CDH7: variants seen among roughly 807,000 people sequenced by gnomAD.
CDH7 encodes cadherin 7.
CDH7 carries 25 observed loss-of-function variants against 71.8 expected under a neutral mutation model. The observed-to-expected ratio is 0.35, with a 90% CI of 0.25 to 0.49. The LOEUF is 0.49. CDH7 is among the 20% of genes least tolerant of loss of function. CDH7 has a pLI of 0.99. For missense variants in CDH7, 862 were observed against 974.6 expected, an observed-to-expected ratio of 0.88 and a Z score of 1.54; for synonymous variants, 381 against 363.8, an observed-to-expected ratio of 1.05 and a Z score of -0.54.
chr18:65,827,329 ATGG>A (rs912610984), intron 6 of CDH7, among the ~76,000 whole-genome samples: 1 of 151,918 alleles, frequency 6.6e-6, no homozygotes, highest in African/African-American at 2.4e-5. Flanking sequence ...TTAAGAATCA[ATGG>A]TGGTGAAAAA....
chr18:65,878,156 C>T (rs949628432), intron 11 of CDH7, among the ~76,000 whole-genome samples: 1 of 152,140 alleles, frequency 6.6e-6, no homozygotes, highest in African/African-American at 2.4e-5. Flanking sequence ...TCATTTCTCA[C>T]TATACCACCT....
At chr18:65,850,793 A>ATCAATAGT (rs1411780061) in intron 7 of CDH7, among the ~76,000 whole-genome samples, 1 of 151,246 alleles carries the variant, frequency 6.6e-6, no homozygotes, top group Admixed American at 6.6e-5. Flanking sequence ...AAGCTCAGAA[A>ATCAATAGT]TCAATAGTTC....
At chr18:65,846,229 A>G (rs1269144216) in intron 7 of CDH7, among the ~76,000 whole-genome samples, 1 of 152,128 alleles carries the variant, frequency 6.6e-6, no homozygotes, top group Non-Finnish European at 1.5e-5. Flanking sequence ...CTGTTCTCTG[A>G]AGCACAGAGG....
chr18:65,767,574 A>G (rs1474451467), intron 2 of CDH7, among the ~76,000 whole-genome samples: 1 of 152,154 alleles, frequency 6.6e-6, no homozygotes, highest in Admixed American at 6.5e-5. Flanking sequence ...TGCCAGGTCA[A>G]CTCTTAGAAG....
At chr18:65,822,010 G>A in intron 4 of CDH7, 71 bp from the exon 5 acceptor site, 3 of 1,185,232 alleles carry the variant, frequency 2.5e-6, no homozygotes, top group African/African-American at 1.5e-5. Context: ...CTTACTACTT[G>A]TATCAGTATT....
intron 11 of CDH7, among the ~76,000 whole-genome samples, chr18:65,869,871 A>C (rs1274483427): frequency 3.3e-5 from 5 of 152,132 alleles, no homozygotes; most frequent in Non-Finnish European, 7.4e-5. Flanking sequence ...GGAAAAGAAT[A>C]ATTGATTTGA....
At chr18:65,777,175 T>A (rs1027812107) in intron 2 of CDH7, among the ~76,000 whole-genome samples, 1 of 152,046 alleles carries the variant, frequency 6.6e-6, no homozygotes, top group African/African-American at 2.4e-5. Flanking sequence ...ATGAAAGACC[T>A]GATGCTGAAA....
At chr18:65,819,244 T>C (rs1324452392) in intron 4 of CDH7, among the ~76,000 whole-genome samples, 2 of 152,190 alleles carry the variant, frequency 1.3e-5, no homozygotes, top group Non-Finnish European at 1.5e-5. Flanking sequence ...TCAATCTGCA[T>C]TGACCCACTC....
At chr18:65,856,554 A>T (rs931204298) in intron 7 of CDH7, among the ~76,000 whole-genome samples, 2 of 152,106 alleles carry the variant, frequency 1.3e-5, no homozygotes, top group African/African-American at 4.8e-5. Context: ...AGTCAAGGGT[A>T]TGTTCATAAG....
intron 11 of CDH7, among the ~76,000 whole-genome samples, chr18:65,867,126 C>T (rs917788521): frequency 2.0e-5 from 3 of 151,066 alleles, no homozygotes; most frequent in Non-Finnish European, 2.9e-5. Flanking sequence ...AGCTCCACCT[C>T]CTGGGTTCAC....
intron 3 of CDH7, among the ~76,000 whole-genome samples, chr18:65,811,303 T>C (rs1911526491): frequency 6.6e-6 from 1 of 152,116 alleles, no homozygotes; most frequent in African/African-American, 2.4e-5. Context: ...GATCACAGTT[T>C]AGTGAACCTA....
At chr18:65,840,786 A>C (rs1424555345) in intron 6 of CDH7, among the ~76,000 whole-genome samples, 1 of 152,160 alleles carries the variant, frequency 6.6e-6, no homozygotes, top group Non-Finnish European at 1.5e-5. Flanking sequence ...GTATGTCTTT[A>C]TCAGCAGTGA....
In CDH7 at chr18:65,887,378, T is replaced by C. The variant is rs1207102644; in HGVS notation, c.*6484T>C. 2.6e-5 allele frequency: 4 copies of C among 151,812 alleles called. No individual in the cohort carries two copies. Among genetic ancestry groups the C allele is most frequent in the Non-Finnish European group, 5.9e-5 (4 of 67,964 alleles). The allele number at this position is 151,812 out of a possible 1,614,324, so 9.4% of individuals were successfully genotyped here. A position where few individuals can be genotyped will look rare whatever the true frequency, so the allele number is the denominator to read the frequency against. ...TGTGCGGCACCCATTAACTCGTCAT[T>C]TAGCATTAGGTATATCTCCTAATTC... is the stretch of plus-strand genomic sequence containing the variant. On this transcript the variant is annotated 3_prime_UTR_variant, in exon 12 of 12. Coordinates refer to ENST00000397968, the MANE Select transcript of CDH7 (RefSeq NM_004361.5).
chr18:65,880,214 T>C (rs1914180400), intron 11 of CDH7, among the ~76,000 whole-genome samples, 187 bp from the exon 12 acceptor site: 1 of 152,192 alleles, frequency 6.6e-6, no homozygotes, highest in African/African-American at 2.4e-5. Context: ...AAAAGTGTTC[T>C]AATTTAAAGC....
At chr18:65,830,129 GC>G (rs1402952235) in intron 6 of CDH7, among the ~76,000 whole-genome samples, 1 of 152,160 alleles carries the variant, frequency 6.6e-6, no homozygotes. Context: ...GAGATAACCT[GC>G]TAAATACAGA....
At chr18:65,792,801 C>T (rs115195587) in intron 2 of CDH7, among the ~76,000 whole-genome samples, 254 of 152,268 alleles carry the variant, frequency 1.7e-3, no homozygotes, top group African/African-American at 5.9e-3. Context: ...CCAATTTCCA[C>T]AAAATACCCA....
chr18:65,756,782 T>C (rs1916041498), intron 1 of CDH7, among the ~76,000 whole-genome samples: 1 of 152,234 alleles, frequency 6.6e-6, no homozygotes, highest in Admixed American at 6.5e-5. Flanking sequence ...CCTTTTAGTA[T>C]AGCTGATAGT....
Position 65,862,753 on chromosome 18 carries a change from G to A in CDH7, c.1700G>A (p.Ser567Asn). Reference protein sequence around the residue: ...VYYLPIFIVDSGSPSLSSTNT... With the variant: ...VYYLPIFIVDNGSPSLSSTNT... ...TATCTGCCAATTTTCATTGTGGACA[G>A]TGGATCTCCCTCACTTAGCAGCACC... The change falls in exon 11 of 12, where the codon AGT becomes AAT. Residue 567 changes from serine (S) to asparagine (N), a missense_variant. Physicochemically the swap from Ser to Asn is conservative, Grantham distance 46. Coordinates refer to ENST00000397968, the MANE Select transcript of CDH7 (RefSeq NM_004361.5). 1 of 1,614,160 alleles carries A rather than the reference G, an allele frequency of 6.2e-7. No individual in the cohort carries two copies. The highest frequency in any genetic ancestry group is 2.2e-5 in the East Asian group (1 of 44,864).
At chr18:65,868,114 A>G (rs1913820782) in intron 11 of CDH7, among the ~76,000 whole-genome samples, 1 of 152,236 alleles carries the variant, frequency 6.6e-6, no homozygotes, top group South Asian at 2.1e-4. Context: ...ATCATAATCT[A>G]TAATGATAGA....
Sources: gnomAD v4.1 joint callset for allele counts (sites outside exome capture counted in the v4.1 genomes callset) on GRCh38, gnomAD v4.1.1 for gene constraint, MANE v1.5 for transcripts, NCBI Gene and HGNC (gene_info 2026-07-23, HGNC 2026-07-21) for gene names.